BAG4: variants seen among roughly 807,000 people sequenced by gnomAD.
BAG4 encodes BAG cochaperone 4, also known as BAG family molecular chaperone regulator 4.
BAG4 carries 28 observed loss-of-function variants against 52.1 expected under a neutral mutation model. That is an observed-to-expected ratio of 0.54 (90% CI 0.40 to 0.74). BAG4 has a LOEUF of 0.74. Among genes scored for constraint, BAG4 ranks in the 30% least tolerant of loss-of-function variants. The pLI is 0.00. For synonymous variants in BAG4, 208 were observed against 217.0 expected, an observed-to-expected ratio of 0.96 and a Z score of 0.37; for missense variants, 525 against 572.0, an observed-to-expected ratio of 0.92 and a Z score of 0.84.
At chr8:38,191,225 T>C (rs1437480485) in intron 1 of BAG4, among the ~76,000 whole-genome samples, 5 of 152,166 alleles carry the variant, frequency 3.3e-5, no homozygotes, top group Non-Finnish European at 7.3e-5. Context: ...TAAGTATTCA[T>C]TTGCAACTAT....
At chr8:38,194,850 TTTTTTTTTTTTTG>T (rs1803536960) in intron 2 of BAG4, among the ~76,000 whole-genome samples, 1 of 149,620 alleles carries the variant, frequency 6.7e-6, no homozygotes, top group South Asian at 2.1e-4. Flanking sequence ...TTTTTTTGTT[TTTTTTTTTTTTTG>T]TTTTTTTTTT....
rs540447037 is a variant in BAG4, at chr8:38,177,172, G to T, written c.270+33G>T. ...TTGCACCCTCTGTCCTTGCGGGGAG[G>T]TGAGGGCCCTTGGGGCTGGGGTTCG... On this transcript the variant is annotated intron_variant, in intron 1 of 4. Transcript: ENST00000287322. 313 of 1,605,136 alleles carry T rather than the reference G, an allele frequency of 1.9e-4. 4 individuals are homozygous for T. The South Asian group carries it at 3.0e-3, about 15-fold the overall frequency.
At chr8:38,197,588 T>A (rs1803583326) in intron 2 of BAG4, among the ~76,000 whole-genome samples, 1 of 152,248 alleles carries the variant, frequency 6.6e-6, no homozygotes, top group South Asian at 2.1e-4. Context: ...AGGATATTAC[T>A]GTGCACTATT....
At position 38,180,261 on chromosome 8, in the gene BAG4, GC is replaced by G. The variant is rs1444982462; in HGVS notation, c.270+3124del. 2.0e-5 allele frequency among the ~76,000 whole-genome samples: 3 copies of G among 151,924 alleles called. No individual in the cohort carries two copies. In the East Asian group the frequency reaches 5.8e-4, roughly 29 times the overall value. ...ATGTTGGCCGGGCGTGGTGGCTCAC[GC>G]CTGTAAACCCAGCACTTTGGGAGGC... On this transcript the variant is annotated intron_variant, in intron 1 of 4. Transcript: ENST00000287322.
intron 2 of BAG4, among the ~76,000 whole-genome samples, chr8:38,194,228 A>G (rs1270401204): frequency 1.3e-5 from 2 of 151,988 alleles, no homozygotes. Flanking sequence ...TTGCCTGTGT[A>G]TCCATAAACT....
intron 2 of BAG4, among the ~76,000 whole-genome samples, chr8:38,198,384 CAA>C (rs554403620): frequency 4.6e-4 from 43 of 94,140 alleles, no homozygotes; most frequent in East Asian, 1.8e-3. Context: ...ACTCCCATCT[CAA>C]AAAAAAAAAA....
chr8:38,179,280 C>G (rs1803223611), intron 1 of BAG4, among the ~76,000 whole-genome samples: 2 of 151,982 alleles, frequency 1.3e-5, no homozygotes, highest in South Asian at 4.2e-4. Context: ...CTTCAGCCTT[C>G]CTAGTAGCTG....
chr8:38,209,765 AC>A (rs1803836221), intron 4 of BAG4, among the ~76,000 whole-genome samples: 1 of 152,236 alleles, frequency 6.6e-6, no homozygotes, highest in African/African-American at 2.4e-5. Context: ...TGGACCTGCC[AC>A]AGGGCAGGTT....
rs772297834 is a variant in BAG4 at position 38,209,007 on chromosome 8, A to G, written c.634-6A>G. Reference sequence around the variant, plus strand: ...ATGACTGGTATATTTCTTCTTCTCAATCTAGAACCCTGGAATGACCCTGCC... The same window carrying G: ...ATGACTGGTATATTTCTTCTTCTCAGTCTAGAACCCTGGAATGACCCTGCC... On this transcript the variant is annotated splice_polypyrimidine_tract_variant and splice_region_variant and intron_variant, in intron 3 of 4. Transcript: ENST00000287322. 1 of 1,612,286 alleles carries G rather than the reference A, an allele frequency of 6.2e-7. No homozygotes were observed. Among genetic ancestry groups the G allele is most frequent in the South Asian group, 1.1e-5 (1 of 91,022 alleles).
intron 2 of BAG4, 31 bp from the exon 3 acceptor site, chr8:38,207,481 T>A: frequency 6.3e-7 from 1 of 1,599,152 alleles, no homozygotes; most frequent in Non-Finnish European, 8.5e-7. Context: ...TACTAATTCA[T>A]CTTTTTTTCA....
rs1464047115 is a variant in BAG4, at chr8:38,212,698, C to T, written c.*2205C>T. ...GTAATGTATTTCTGGTGTTGTTAAC[C>T]TTGATCACTATGCTAAGGTGGTGTC... is the stretch of plus-strand genomic sequence containing the variant. On this transcript the variant is annotated 3_prime_UTR_variant, in exon 5 of 5. Coordinates refer to ENST00000287322, the MANE Select transcript of BAG4 (RefSeq NM_004874.4). 1 of 152,128 alleles carries T rather than the reference C, an allele frequency of 6.6e-6. No individual in the cohort carries two copies. The highest frequency in any genetic ancestry group is 2.4e-5 in the African/African-American group (1 of 41,422). 9.4% of individuals were successfully genotyped at this position (152,128 alleles called of 1,614,324 possible). A position where few individuals can be genotyped will look rare whatever the true frequency, so the allele number is the denominator to read the frequency against.
chr8:38,192,652 T>G, intron 1 of BAG4, 36 bp from the exon 2 acceptor site: 1 of 1,477,706 alleles, frequency 6.8e-7, no homozygotes, highest in Non-Finnish European at 9.3e-7. Flanking sequence ...TGTATGAATG[T>G]TATTAAGAGT....
At position 38,207,533 on chromosome 8, in the gene BAG4, G is replaced by A. The variant is rs1241307042; in HGVS notation, c.400G>A (p.Gly134Arg). ...TCAGAGTTTGAATTCTTATACAAAT[G>A]GAGCGTATGGTCCAACATACCCCCC... is the stretch of plus-strand genomic sequence containing the variant. ...QGQSLNSYTN[G>R]AYGPTYPPGP... Residue 134 changes from glycine to arginine, a missense_variant, in exon 3 of 5, where the codon GGA becomes AGA. Gly to Arg is a moderately radical substitution (Grantham distance 125). Transcript: ENST00000287322. 6.2e-7 allele frequency: 1 copy of A among 1,612,380 alleles called. No homozygotes were observed. Among genetic ancestry groups the A allele is most frequent in the Non-Finnish European group, 8.5e-7 (1 of 1,179,508 alleles).
rs542353075 is a variant in BAG4 at position 38,207,906 on chromosome 8, A to G, written c.633+140A>G. The G allele has an allele frequency of 6.9e-5, 74 of 1,071,618 alleles. No individual in the cohort carries two copies. The East Asian group carries it at 1.9e-3, about 28-fold the overall frequency. The allele number at this position is 1,071,618 out of a possible 1,614,324, so 66.4% of individuals were successfully genotyped here. On this transcript the variant is annotated intron_variant, in intron 3 of 4. Transcript: ENST00000287322. ...AGGCTTTTATATTGATGCCTTTCTT[A>G]TTTGTGGCAGCTATTGCAGTAAATG...
At chr8:38,197,557 G>A (rs1363480641) in intron 2 of BAG4, among the ~76,000 whole-genome samples, 1 of 152,194 alleles carries the variant, frequency 6.6e-6, no homozygotes, top group Non-Finnish European at 1.5e-5. Flanking sequence ...GTGAGTGAGT[G>A]GTGAGTGAAT....
At chr8:38,179,318 A>C (rs1803224299) in intron 1 of BAG4, among the ~76,000 whole-genome samples, 1 of 151,610 alleles carries the variant, frequency 6.6e-6, no homozygotes, top group Non-Finnish European at 1.5e-5. Context: ...CACCATGCCC[A>C]ACTAAATTTT....
intron 3 of BAG4, among the ~76,000 whole-genome samples, chr8:38,208,390 A>G (rs1803810792): frequency 6.7e-6 from 1 of 149,398 alleles, no homozygotes; most frequent in African/African-American, 2.5e-5. Flanking sequence ...GCTCACTGCA[A>G]GCTCCACCTC....
intron 1 of BAG4, among the ~76,000 whole-genome samples, chr8:38,182,214 G>T (rs2130661812): frequency 1.3e-5 from 2 of 152,298 alleles, no homozygotes; most frequent in South Asian, 4.1e-4. Flanking sequence ...AGCATAAGGT[G>T]ATTTGTTAGT....
At chr8:38,181,970 A>T (rs1201992354) in intron 1 of BAG4, among the ~76,000 whole-genome samples, 1 of 151,780 alleles carries the variant, frequency 6.6e-6, no homozygotes, top group African/African-American at 2.4e-5. Context: ...AAAGGGAGAA[A>T]AGTAACAAGT....
Sources: allele counts gnomAD v4.1 joint callset (sites outside exome capture counted in the v4.1 genomes callset), GRCh38; gene constraint gnomAD v4.1.1; transcripts MANE v1.5; gene names NCBI Gene and HGNC (gene_info 2026-07-23, HGNC 2026-07-21).